KLC1: variants seen among roughly 807,000 people sequenced by gnomAD.
KLC1 encodes the protein kinesin light chain 1.
KLC1 carries 30 observed loss-of-function variants against 84.2 expected under a neutral mutation model. The ratio of observed to expected loss-of-function variants is 0.36; its 90% CI spans 0.27 to 0.48. KLC1 has a LOEUF of 0.48. KLC1 is among the 20% of genes least tolerant of loss of function. The probability of loss-of-function intolerance (pLI) is 0.99; values close to 1 mark genes in which losing one functional copy is unlikely to be tolerated. For missense variants in KLC1, 499 were observed against 805.4 expected, an observed-to-expected ratio of 0.62 and a Z score of 4.60; for synonymous variants, 289 against 293.3, an observed-to-expected ratio of 0.99 and a Z score of 0.15.
intron 1 of KLC1, among the ~76,000 whole-genome samples, chr14:103,650,448 G>A (rs1749884369): frequency 6.6e-6 from 1 of 152,192 alleles, no homozygotes; most frequent in African/African-American, 2.4e-5. Context: ...CGGCATGAGA[G>A]TTGGAAGATG....
intron 15 of KLC1, chr14:103,696,008 C>G (rs2082444554): frequency 1.0e-6 from 1 of 985,192 alleles, no homozygotes; most frequent in Admixed American, 6.2e-5. Context: ...ATCCCTCCTC[C>G]TGTGTGTGGT....
intron 7 of KLC1, among the ~76,000 whole-genome samples, chr14:103,672,118 C>T (rs1407035464): frequency 1.3e-5 from 2 of 152,160 alleles, no homozygotes; most frequent in Non-Finnish European, 2.9e-5. Flanking sequence ...GTGTGGGCTT[C>T]TGCGGGCCAG....
chr14:103,638,280 A>C (rs1296925094), intron 1 of KLC1, among the ~76,000 whole-genome samples: 5 of 151,828 alleles, frequency 3.3e-5, no homozygotes, highest in Non-Finnish European at 5.9e-5. Context: ...TTTATTTAAC[A>C]CTTGAGAACT....
rs770229889 is a variant in KLC1, at chr14:103,693,556, C to T, written c.1848+1131C>T. 5.7e-5 allele frequency: 88 copies of T among 1,536,088 alleles called. No individual in the cohort carries two copies. The South Asian group carries it at 7.3e-4, about 13-fold the overall frequency. On this transcript the variant is annotated intron_variant, in intron 15 of 16. Coordinates refer to ENST00000334553, the MANE Select transcript of KLC1 (RefSeq NM_001394837.1). This position sits in a 1 kb window ranked among gnomAD's most constrained non-coding sequence, Gnocchi z 5.1. Reference sequence around the variant, plus strand: ...TTCTATTTGTTTTTTCATGCAGGAACGAAATAATTGTCTGGCCGACTCGCG... The same window carrying T: ...TTCTATTTGTTTTTTCATGCAGGAATGAAATAATTGTCTGGCCGACTCGCG...
At chr14:103,671,383 T>A (rs2080375802) in intron 7 of KLC1, among the ~76,000 whole-genome samples, 1 of 152,112 alleles carries the variant, frequency 6.6e-6, no homozygotes. Context: ...TGTTTTTTTT[T>A]TTCTGAAACG....
chr14:103,651,290 C>T (rs149531701), intron 1 of KLC1, among the ~76,000 whole-genome samples: 7 of 152,268 alleles, frequency 4.6e-5, no homozygotes, highest in Non-Finnish European at 4.4e-5. Context: ...TTACAGGCGT[C>T]GGCCACCGCG....
intron 1 of KLC1, among the ~76,000 whole-genome samples, chr14:103,640,080 A>G (rs192070086): frequency 2.6e-5 from 4 of 151,494 alleles, no homozygotes; most frequent in Non-Finnish European, 5.9e-5. Flanking sequence ...TATTTTCTTT[A>G]TTTTTGAGAC....
chr14:103,671,727 C>T (rs1433875891), intron 7 of KLC1, among the ~76,000 whole-genome samples: 1 of 152,076 alleles, frequency 6.6e-6, no homozygotes, highest in Non-Finnish European at 1.5e-5. Flanking sequence ...TGATTCTTAT[C>T]AGTTAATTTT....
At chr14:103,678,497 C>CT (rs906709303) in intron 12 of KLC1, among the ~76,000 whole-genome samples, 28 of 151,964 alleles carry the variant, frequency 1.8e-4, no homozygotes, top group African/African-American at 6.0e-4. Flanking sequence ...CCAGCCTGGG[C>CT]AACATAGTGA....
chr14:103,662,448 G>T (rs2079375119), intron 4 of KLC1, among the ~76,000 whole-genome samples: 1 of 152,016 alleles, frequency 6.6e-6, no homozygotes, highest in East Asian at 1.9e-4. Flanking sequence ...GGGTGAAGAG[G>T]TCAGAATTAC....
chr14:103,642,262 C>T (rs564764051), intron 1 of KLC1, among the ~76,000 whole-genome samples: 8 of 152,186 alleles, frequency 5.3e-5, no homozygotes, highest in African/African-American at 9.6e-5. Context: ...CTAATCCCAC[C>T]GTGAGGGGTC....
At chr14:103,679,585 C>A (rs780702155) in intron 13 of KLC1, 40 bp downstream of exon 13, 21 of 1,531,968 alleles carry the variant, frequency 1.4e-5, no homozygotes, top group South Asian at 6.8e-5. Context: ...CCGGGAGGCG[C>A]CCCCAAGTGG....
At chr14:103,641,782 C>T (rs2077511327) in intron 1 of KLC1, among the ~76,000 whole-genome samples, 1 of 151,848 alleles carries the variant, frequency 6.6e-6, no homozygotes, top group African/African-American at 2.4e-5. Context: ...CTACAACACC[C>T]AGATAATTTT....
chr14:103,663,318 G>A (rs1469582735), intron 5 of KLC1, among the ~76,000 whole-genome samples: 2 of 151,952 alleles, frequency 1.3e-5, no homozygotes, highest in African/African-American at 2.4e-5. Context: ...CTGACCTCGT[G>A]ATCCGCCCGC....
chr14:103,686,948 G>A (rs1018004090), intron 13 of KLC1, 133 bp from the exon 14 acceptor site: 4 of 507,174 alleles, frequency 7.9e-6, no homozygotes, highest in Non-Finnish European at 1.4e-5. Flanking sequence ...GGTGGTTTCT[G>A]CAAGACTCTG....
intron 1 of KLC1, among the ~76,000 whole-genome samples, chr14:103,642,811 A>G (rs1199359097): frequency 2.1e-5 from 3 of 145,596 alleles, no homozygotes; most frequent in East Asian, 4.0e-4. Context: ...TCTGTTGCCC[A>G]GGCTGGAGTG....
At chr14:103,681,593 G>T (rs926586967) in intron 13 of KLC1, among the ~76,000 whole-genome samples, 3 of 151,942 alleles carry the variant, frequency 2.0e-5, no homozygotes, top group Admixed American at 2.0e-4. Flanking sequence ...TGAGGAGCTG[G>T]GATTACAGGT....
intron 15 of KLC1, chr14:103,695,965 T>C (rs1439167860): frequency 2.0e-6 from 2 of 985,282 alleles, no homozygotes; most frequent in Non-Finnish European, 2.4e-6. Context: ...TCTGAATTTT[T>C]CCCTTCAGAG....
chr14:103,686,101 A>C, intron 13 of KLC1: 2 of 999,426 alleles, frequency 2.0e-6, no homozygotes, highest in Non-Finnish European at 2.4e-6. Flanking sequence ...GATATGCCCC[A>C]GTAGCATTTG....
Sources: allele counts gnomAD v4.1 joint callset (sites outside exome capture counted in the v4.1 genomes callset), GRCh38; gene constraint gnomAD v4.1.1; non-coding constraint Gnocchi (gnomAD v3.1); transcripts MANE v1.5; gene names NCBI Gene and HGNC (gene_info 2026-07-23, HGNC 2026-07-21).